SENP1: variants seen among roughly 807,000 people sequenced by gnomAD.
SENP1 encodes sentrin-specific protease 1.
SENP1 carries 21 observed loss-of-function variants against 93.0 expected under a neutral mutation model. The ratio of observed to expected loss-of-function variants is 0.23; its 90% CI spans 0.16 to 0.33. The LOEUF is 0.33. Ranked by LOEUF, SENP1 falls within the 10% of genes least tolerant of loss-of-function variation. The pLI is 1.00. For missense variants in SENP1, 591 were observed against 758.7 expected (o/e 0.78, Z 2.60); for synonymous variants, 256 against 259.6 (o/e 0.99, Z 0.13).
chr12:48,090,777 T>C lies in SENP1; in HGVS notation c.221-1817A>G, dbSNP rs552147277. On this transcript the variant is annotated intron_variant, in intron 4 of 17. Coordinates refer to ENST00000549518, the MANE Select transcript of SENP1 (RefSeq NM_001267594.2). ...ATACATGCCTAATTTTTCTATTGTT[T>C]TGGAGAGGGAGGGTTTCACTGTGTT... Among the ~76,000 whole-genome samples, 5 of 152,248 alleles carry C rather than the reference T, an allele frequency of 3.3e-5. No homozygotes were observed. In the South Asian group the frequency reaches 6.2e-4, roughly 19 times the overall value.
intron 3 of SENP1, among the ~76,000 whole-genome samples, chr12:48,097,506 G>C (rs1275111067): frequency 1.3e-5 from 2 of 152,170 alleles, no homozygotes; most frequent in African/African-American, 4.8e-5. Context: ...ATCAAATGAG[G>C]ATGTTTTTAA....
chr12:48,093,237 T>C (rs1225102113), intron 4 of SENP1, among the ~76,000 whole-genome samples: 8 of 151,244 alleles, frequency 5.3e-5, no homozygotes, highest in Admixed American at 3.3e-4. Context: ...AACAGCTTCA[T>C]GTCAGTTCAA....
chr12:48,059,032 G>A lies in SENP1; in HGVS notation c.1407+4678C>T, dbSNP rs1034852498. On this transcript the variant is annotated intron_variant, in intron 13 of 17. Transcript: ENST00000549518. ...TACTTAATGTGCCTTTTTCCTTCTC[G>A]TTGCACTTAATATTTTTATCACCAG... 6.6e-5 allele frequency among the ~76,000 whole-genome samples: 10 copies of A among 152,032 alleles called. No individual in the cohort carries two copies. The South Asian group carries it at 1.7e-3, about 25-fold the overall frequency.
At chr12:48,093,354 G>A (rs1039908025) in intron 4 of SENP1, among the ~76,000 whole-genome samples, 6 of 139,602 alleles carry the variant, frequency 4.3e-5, no homozygotes, top group South Asian at 2.3e-4. Flanking sequence ...CGCGATCTCC[G>A]CTCACTGCAA....
intron 13 of SENP1, among the ~76,000 whole-genome samples, chr12:48,062,844 T>C (rs1169807890): frequency 1.3e-5 from 2 of 152,192 alleles, no homozygotes; most frequent in African/African-American, 2.4e-5. Flanking sequence ...AAATGATCAA[T>C]AGTTATTGGC....
At chr12:48,096,876 A>G (rs1945601796) in intron 3 of SENP1, among the ~76,000 whole-genome samples, 1 of 152,204 alleles carries the variant, frequency 6.6e-6, no homozygotes, top group Non-Finnish European at 1.5e-5. Context: ...AAGCCGAGGC[A>G]GAAGAATCAC....
At chr12:48,091,829 T>A (rs1401074007) in intron 4 of SENP1, among the ~76,000 whole-genome samples, 6 of 151,952 alleles carry the variant, frequency 3.9e-5, no homozygotes, top group Non-Finnish European at 7.4e-5. Flanking sequence ...CATGTACACG[T>A]TACCATGTCC....
chr12:48,057,096 AAATAT>A (rs1942576099), intron 13 of SENP1, among the ~76,000 whole-genome samples: 1 of 51,920 alleles, frequency 1.9e-5, no homozygotes. Flanking sequence ...TTACATATAT[AAATAT>A]ATTATTTAAT....
chr12:48,087,511 A>G (rs1944961940), intron 5 of SENP1, among the ~76,000 whole-genome samples: 1 of 152,226 alleles, frequency 6.6e-6, no homozygotes, highest in Admixed American at 6.5e-5. Context: ...TAGTATACAC[A>G]ACATATATAT....
Position 48,049,108 on chromosome 12 carries a change from G to A in SENP1, c.1432C>T (p.Leu478=). The A allele has an allele frequency of 6.2e-7, 1 of 1,613,236 alleles. No homozygotes were observed. The highest frequency in any genetic ancestry group is 1.1e-5 in the South Asian group (1 of 91,066). ...DEIINFYMNM[L]MERSKEKGLP... ...CCCTTCTCTTTACTTCGCTCCATCAGCATATTCATGTAGAAATTGATGATC... is the reference window on the plus strand; with the variant it reads ...CCCTTCTCTTTACTTCGCTCCATCAACATATTCATGTAGAAATTGATGATC... The change falls in exon 14 of 18, where the codon CTG becomes TTG. Residue 478 remains leucine, a synonymous_variant. Coordinates refer to ENST00000549518, the MANE Select transcript of SENP1 (RefSeq NM_001267594.2).
In SENP1 at chr12:48,074,543, A is replaced by G; in HGVS notation, c.721T>C (p.Cys241Arg). The change falls in exon 8 of 18, where the codon TGT becomes CGT. Residue 241 changes from cysteine to arginine, a missense_variant. Physicochemically the swap from Cys to Arg is radical, Grantham distance 180. This residue lies in a region of SENP1 where 238 missense variants were observed against 259.1 expected (regional missense o/e 0.92). Transcript: ENST00000549518. Reference protein sequence around the residue: ...KDSLFKNGNSCASQIIGSDTS... With the variant: ...KDSLFKNGNSRASQIIGSDTS... ...TCAGAGCCAATGATCTGAGATGCAC[A>G]AGAGTTTCCATTTTTAAACAGTGAG... 1 of 1,613,812 alleles carries G rather than the reference A, an allele frequency of 6.2e-7. No individual in the cohort carries two copies. The highest frequency in any genetic ancestry group is 8.5e-7 in the Non-Finnish European group (1 of 1,179,728).
At chr12:48,083,420 T>C (rs1477745392) in intron 6 of SENP1, among the ~76,000 whole-genome samples, 171 bp downstream of exon 6, 1 of 152,180 alleles carries the variant, frequency 6.6e-6, no homozygotes, top group Non-Finnish European at 1.5e-5. Flanking sequence ...AACACCTCTT[T>C]AATCTCTTTA....
intron 13 of SENP1, among the ~76,000 whole-genome samples, chr12:48,056,004 A>G (rs1401287805): frequency 1.5e-5 from 2 of 130,114 alleles, no homozygotes; most frequent in African/African-American, 6.0e-5. Flanking sequence ...TATTTAATAT[A>G]TATTTTAATA....
chr12:48,086,891 T>C (rs910339388), intron 5 of SENP1, among the ~76,000 whole-genome samples: 4 of 151,862 alleles, frequency 2.6e-5, no homozygotes, highest in African/African-American at 9.7e-5. Flanking sequence ...ATACAAAAAT[T>C]AGCAGGACAT....
At chr12:48,064,174 C>T (rs1943137897) in intron 12 of SENP1, among the ~76,000 whole-genome samples, 1 of 152,034 alleles carries the variant, frequency 6.6e-6, no homozygotes. Flanking sequence ...TATCTCTGGT[C>T]CAAATGACTT....
chr12:48,105,098 C>A, intron 1 of SENP1: 2 of 224,994 alleles, frequency 8.9e-6, no homozygotes, highest in South Asian at 5.6e-5. Context: ...CTAATACATC[C>A]AGAATAACCA....
chr12:48,098,169 T>C, intron 2 of SENP1, 45 bp from the exon 3 acceptor site: 1 of 1,579,514 alleles, frequency 6.3e-7, no homozygotes. Context: ...AATTCTTCAA[T>C]AACGTTTTTC....
Position 48,070,372 on chromosome 12 carries a change from T to C in SENP1, c.995+1295A>G, listed in dbSNP as rs567245784. On this transcript the variant is annotated intron_variant, in intron 9 of 17. Transcript: ENST00000549518. ...ACAAATAGTATCCTCCCAATCCTAC[T>C]CTATATATTACCCTGCTTCAATTTT... 5.4e-4 allele frequency among the ~76,000 whole-genome samples: 82 copies of C among 152,254 alleles called. 1 individual carries two copies. The highest frequency in any genetic ancestry group is 1.9e-3 in the African/African-American group (81 of 41,552).
intron 4 of SENP1, among the ~76,000 whole-genome samples, chr12:48,093,378 G>A (rs1271730164): frequency 6.6e-6 from 1 of 150,948 alleles, no homozygotes; most frequent in Non-Finnish European, 1.5e-5. Context: ...CCACCTCCTG[G>A]GTTCAAGCGA....
Sources: gnomAD v4.1 joint callset for allele counts (sites outside exome capture counted in the v4.1 genomes callset) on GRCh38, gnomAD v4.1.1 for gene constraint, gnomAD v4.1.1 regional missense constraint, MANE v1.5 for transcripts, NCBI Gene and HGNC (gene_info 2026-07-23, HGNC 2026-07-21) for gene names.